Variants in ATP10B observed in about 807,000 individuals in gnomAD.
ATP10B encodes phospholipid-transporting ATPase VB.
A neutral mutation model predicts 141.2 loss-of-function variants in ATP10B; 122 were observed. The observed-to-expected ratio is 0.86, with a 90% confidence interval of 0.75 to 1.00. The LOEUF is 1.00. ATP10B is among the 50% of genes least tolerant of loss of function. The pLI, the probability that ATP10B is intolerant of heterozygous loss-of-function variation, is 0.00. For missense variants in ATP10B, 1,876 were observed against 1,825.3 expected (o/e 1.03, Z -0.51); for synonymous variants, 685 against 692.0 (o/e 0.99, Z 0.16).
intron 8 of ATP10B, among the ~76,000 whole-genome samples, chr5:160,646,851 T>C (rs60096870): frequency 5.2e-4 from 79 of 152,376 alleles, no homozygotes; most frequent in African/African-American, 1.8e-3. Context: ...TGGTCTATTA[T>C]ACTTTTTATA....
At chr5:160,875,701 A>C in the ATP10B span, among the ~76,000 whole-genome samples, 436 of 53,568 alleles carry the variant, frequency 8.1e-3, 57 homozygotes, top group East Asian at 0.027. Context: ...TCTACCAAGC[A>C]AATGGAAAAC....
Position 160,644,155 on chromosome 5 carries a change from C to A in ATP10B, c.851G>T (p.Gly284Val). The change falls in exon 9 of 26, where the codon GGC becomes GTC. Residue 284 changes from glycine to valine, a missense_variant. Gly to Val is a moderately radical substitution (Grantham distance 109). Transcript: ENST00000327245. ...CTIRNTEMAV[G>V]IVIYAGHETK... ...ACAATGACCTGCATAGATGACAATG[C>A]CAACAGCCATCTCGGTGTTTCTGAT... 6.2e-7 allele frequency: 1 copy of A among 1,613,798 alleles called. No individual in the cohort carries two copies. Among genetic ancestry groups the A allele is most frequent in the Non-Finnish European group, 8.5e-7 (1 of 1,179,808 alleles).
intron 6 of ATP10B, among the ~76,000 whole-genome samples, chr5:160,684,371 T>C (rs1382255150): frequency 6.6e-6 from 1 of 152,138 alleles, no homozygotes; most frequent in East Asian, 1.9e-4. Flanking sequence ...ATTTCAGAGG[T>C]TATATTGCTT....
rs186816637 is a variant in ATP10B, at chr5:160,791,877, T to G, written c.-575-6074A>C. Among the ~76,000 whole-genome samples, 4 of 152,224 alleles carry G rather than the reference T, an allele frequency of 2.6e-5. 1 individual carries two copies. The East Asian group carries it at 7.7e-4, about 29-fold the overall frequency. On this transcript the variant is annotated intron_variant, in intron 1 of 25. Transcript: ENST00000327245. ...AAAACTGACAGTATCAGCCTTCGTGTGGTCATTTTTGTGGGATTACTGGAT... is the reference window on the plus strand; with the variant it reads ...AAAACTGACAGTATCAGCCTTCGTGGGGTCATTTTTGTGGGATTACTGGAT...
At chr5:160,862,342 G>T in the ATP10B span, among the ~76,000 whole-genome samples, 2 of 151,976 alleles carry the variant, frequency 1.3e-5, no homozygotes, top group Non-Finnish European at 2.9e-5. Flanking sequence ...GTTCATCTGT[G>T]GATAGCAGTG....
At chr5:160,589,731 T>C in intron 23 of ATP10B, 35 bp from the exon 24 acceptor site, 1 of 1,529,368 alleles carries the variant, frequency 6.5e-7, no homozygotes. Flanking sequence ...TTGTCAGGTA[T>C]GTCTGTGGAC....
At position 160,670,627 on chromosome 5, in the gene ATP10B, G is replaced by A. The variant is rs185209751; in HGVS notation, c.511C>T (p.Arg171Cys). Residue 171 changes from arginine to cysteine, a missense_variant, in exon 7 of 26, where the codon CGC becomes TGC. Arg to Cys is a radical substitution (Grantham distance 180). Transcript: ENST00000327245. ...TYVQKCWKDV[R>C]VGDFIQMKCN... ...TTCATTTGGATGAAGTCTCCCACGCGCACATCCTTCCAGCACTTCTGCACA... is the reference window on the plus strand; with the variant it reads ...TTCATTTGGATGAAGTCTCCCACGCACACATCCTTCCAGCACTTCTGCACA... The A allele has an allele frequency of 4.7e-4, 753 of 1,613,772 alleles. 12 individuals carry two copies. The Admixed American group carries it at 0.011, about 23-fold the overall frequency.
At chr5:160,653,621 ATTATATATACATATATACATATATATT>A (rs1761141875) in intron 7 of ATP10B, among the ~76,000 whole-genome samples, 1 of 8,984 alleles carries the variant, frequency 1.1e-4, no homozygotes, top group Non-Finnish European at 3.1e-4. Context: ...ATACATATAT[ATTATATATACATATATACATATATATT>A]ATATATACAT....
intron 24 of ATP10B, among the ~76,000 whole-genome samples, chr5:160,572,267 C>A (rs1435817700): frequency 1.3e-5 from 2 of 151,982 alleles, no homozygotes; most frequent in African/African-American, 2.4e-5. Context: ...TAACCTAGCG[C>A]CGTTTCCTGA....
chr5:160,696,538 C>A (rs909541126), intron 3 of ATP10B, among the ~76,000 whole-genome samples: 6 of 152,132 alleles, frequency 3.9e-5, no homozygotes, highest in Non-Finnish European at 8.8e-5. Context: ...AACTCTTGAT[C>A]CCTTATGACA....
At chr5:160,822,811 T>G (rs1202814852) in intron 1 of ATP10B, among the ~76,000 whole-genome samples, 2 of 151,102 alleles carry the variant, frequency 1.3e-5, no homozygotes, top group Non-Finnish European at 3.0e-5. Flanking sequence ...CTAAAAATTA[T>G]AACAAATGAA....
intron 1 of ATP10B, among the ~76,000 whole-genome samples, chr5:160,818,052 G>A (rs1277428169): frequency 3.3e-5 from 5 of 152,136 alleles, no homozygotes; most frequent in Non-Finnish European, 7.3e-5. Flanking sequence ...AACCCTAGAA[G>A]AAAACCTAGG....
At chr5:160,634,032 A>C (rs1759142064) in intron 12 of ATP10B, 1 of 413,238 alleles carries the variant, frequency 2.4e-6, no homozygotes, top group Non-Finnish European at 4.6e-6. Context: ...ACTGGCACAC[A>C]ATTGGGAAAT....
At chr5:160,612,712 G>A in intron 18 of ATP10B, 29 bp downstream of exon 18, 1 of 1,586,330 alleles carries the variant, frequency 6.3e-7, no homozygotes, top group Non-Finnish European at 8.6e-7. Context: ...GTTGATATCT[G>A]CAGATATCAA....
chr5:160,761,654 T>C (rs759989241), intron 2 of ATP10B, among the ~76,000 whole-genome samples: 5 of 152,168 alleles, frequency 3.3e-5, no homozygotes, highest in Non-Finnish European at 7.3e-5. Flanking sequence ...AAAGTAATTC[T>C]GGTAATATGA....
intron 21 of ATP10B, among the ~76,000 whole-genome samples, chr5:160,599,930 G>A (rs577779591): frequency 2.0e-5 from 3 of 152,164 alleles, no homozygotes; most frequent in Non-Finnish European, 4.4e-5. Flanking sequence ...CATTCAGCAG[G>A]TTTGTGTTCA....
chr5:160,879,919 A>G, the ATP10B span, among the ~76,000 whole-genome samples: 1 of 152,094 alleles, frequency 6.6e-6, no homozygotes, highest in African/African-American at 2.4e-5. Flanking sequence ...CGAAGTTAAC[A>G]TACAAATGCC....
intron 2 of ATP10B, among the ~76,000 whole-genome samples, chr5:160,765,387 T>C (rs1429799245): frequency 6.6e-6 from 1 of 152,038 alleles, no homozygotes. Context: ...TGGAACAGAA[T>C]AGAGAACTCA....
intron 3 of ATP10B, chr5:160,692,930 C>T (rs770574110): frequency 2.0e-5 from 3 of 152,096 alleles, no homozygotes; most frequent in African/African-American, 4.8e-5. Flanking sequence ...ACATATTGGG[C>T]GCTGGACCTA....
Sources: allele counts gnomAD v4.1 joint callset (sites outside exome capture counted in the v4.1 genomes callset), GRCh38; gene constraint gnomAD v4.1.1; transcripts MANE v1.5; gene names NCBI Gene and HGNC (gene_info 2026-07-23, HGNC 2026-07-21).